The following SYTL5 variants were observed in gnomAD, a reference collection of about 807,000 sequenced individuals.
SYTL5 encodes the protein synaptotagmin-like protein 5.
In SYTL5, 34 loss-of-function variants were observed where a neutral mutation model predicts 55.9. The ratio of observed to expected loss-of-function variants is 0.61; its 90% CI spans 0.46 to 0.81. The LOEUF is 0.81. SYTL5 is among the 30% of genes least tolerant of loss of function. The pLI is 0.00. For synonymous variants in SYTL5, 221 were observed against 188.7 expected, an observed-to-expected ratio of 1.17 and a Z score of -1.40; for missense variants, 637 against 546.7, an observed-to-expected ratio of 1.17 and a Z score of -1.65.
At chrX:37,930,610 A>T in the SYTL5 span, among the ~76,000 whole-genome samples, 2 of 111,879 alleles carry the variant, frequency 1.8e-5, no homozygotes, top group African/African-American at 6.5e-5. Flanking sequence ...ACATCAGGGG[A>T]AGTACATTTT....
chrX:38,066,129 T>C (rs1268400368), intron 3 of SYTL5, among the ~76,000 whole-genome samples: 1 of 111,313 alleles, frequency 9.0e-6, no homozygotes, highest in Admixed American at 9.5e-5. Flanking sequence ...TTAATAAATG[T>C]ATAAAAAAAT....
chrX:38,001,815 C>G (rs767046285), upstream of SYTL5, among the ~76,000 whole-genome samples: 1 of 111,146 alleles, frequency 9.0e-6, no homozygotes, highest in Non-Finnish European at 1.9e-5. Flanking sequence ...ATATACCGAG[C>G]AGTGGGATTG....
chrX:38,028,777 C>G, intron 1 of SYTL5, among the ~76,000 whole-genome samples: 2 of 111,655 alleles, frequency 1.8e-5, no homozygotes, highest in Middle Eastern at 9.3e-3. Context: ...CTGTTAAAGT[C>G]CTTTAGCTGA....
chrX:38,095,107 T>C (rs1402589689), intron 8 of SYTL5, among the ~76,000 whole-genome samples: 2 of 111,951 alleles, frequency 1.8e-5, no homozygotes, highest in Non-Finnish European at 3.8e-5. Flanking sequence ...CTAATGATTA[T>C]ATATGCATAA....
chrX:37,989,529 T>C, the SYTL5 span, among the ~76,000 whole-genome samples: 3 of 111,794 alleles, frequency 2.7e-5, no homozygotes, highest in Admixed American at 9.5e-5. Context: ...GGTGAAGTCA[T>C]AGGATCAGAG....
chrX:37,986,921 G>T, the SYTL5 span, among the ~76,000 whole-genome samples: 1 of 111,493 alleles, frequency 9.0e-6, no homozygotes, highest in Non-Finnish European at 1.9e-5. Flanking sequence ...ACAACATGCA[G>T]GTTTGTTACA....
chrX:37,975,093 A>G, the SYTL5 span, among the ~76,000 whole-genome samples: 1 of 112,513 alleles, frequency 8.9e-6, no homozygotes, highest in African/African-American at 3.2e-5. Context: ...TAGGAGAAGT[A>G]AGCCAATAAA....
the SYTL5 span, among the ~76,000 whole-genome samples, chrX:37,918,456 G>A: frequency 8.9e-6 from 1 of 112,129 alleles, no homozygotes; most frequent in South Asian, 3.7e-4. Context: ...AATTGCAGCT[G>A]ACTATAGATA....
At chrX:38,097,718 T>C (rs1936972210) in intron 9 of SYTL5, among the ~76,000 whole-genome samples, 1 of 109,741 alleles carries the variant, frequency 9.1e-6, no homozygotes, top group Admixed American at 9.7e-5. Flanking sequence ...CTACCATTTA[T>C]ATGAAAATAT....
the SYTL5 span, among the ~76,000 whole-genome samples, chrX:37,965,883 T>A: frequency 1.8e-5 from 2 of 112,685 alleles, no homozygotes; most frequent in African/African-American, 6.4e-5. Flanking sequence ...TGACAGTTTA[T>A]GACTTACTAT....
the SYTL5 span, among the ~76,000 whole-genome samples, chrX:37,940,496 A>C: frequency 9.4e-6 from 1 of 105,823 alleles, no homozygotes; most frequent in Non-Finnish European, 1.9e-5. Flanking sequence ...AAAAAAAAAA[A>C]ATCAAGGGTT....
In SYTL5 at chrX:38,122,060, C is replaced by T. The variant is rs368774479; in HGVS notation, c.1706-20C>T. 9.5e-6 allele frequency: 11 copies of T among 1,152,745 alleles called. No individual in the cohort carries two copies. The highest frequency in any genetic ancestry group is 1.3e-5 in the Non-Finnish European group (11 of 864,016). The allele number at this position is 1,152,745 out of a possible 1,213,427, so 95.0% of individuals were successfully genotyped here. ...TTTTTCTCTTTCTCCACCATTCCCTCATTTTGGTGGCTGACACAGGAAATA... is the reference window on the plus strand; with the variant it reads ...TTTTTCTCTTTCTCCACCATTCCCTTATTTTGGTGGCTGACACAGGAAATA... On this transcript the variant is annotated intron_variant, in intron 14 of 16. Coordinates refer to ENST00000297875, the MANE Select transcript of SYTL5 (RefSeq NM_138780.3).
the SYTL5 span, among the ~76,000 whole-genome samples, chrX:37,988,719 A>G: frequency 8.9e-6 from 1 of 112,396 alleles, no homozygotes; most frequent in Non-Finnish European, 1.9e-5. Flanking sequence ...ATTGATAGAA[A>G]TAAAATGTCA....
At chrX:37,961,830 CTCTTAA>C in the SYTL5 span, among the ~76,000 whole-genome samples, 138 of 111,741 alleles carry the variant, frequency 1.2e-3, 2 homozygotes, top group African/African-American at 4.3e-3. Flanking sequence ...TTGTCTTGAT[CTCTTAA>C]TCTTAAGAGT....
At chrX:37,953,893 C>A in the SYTL5 span, among the ~76,000 whole-genome samples, 3 of 110,880 alleles carry the variant, frequency 2.7e-5, no homozygotes, top group Admixed American at 9.6e-5. Flanking sequence ...GAAGAAGAGA[C>A]AAACTATACA....
At chrX:37,958,420 C>T in the SYTL5 span, among the ~76,000 whole-genome samples, 5 of 109,831 alleles carry the variant, frequency 4.6e-5, no homozygotes, top group Non-Finnish European at 9.5e-5. Flanking sequence ...CCTCCAGTAC[C>T]ATCATGGGGG....
chrX:38,020,167 A>G (rs892215148), intron 1 of SYTL5, among the ~76,000 whole-genome samples: 1 of 110,369 alleles, frequency 9.1e-6, no homozygotes, highest in African/African-American at 3.3e-5. Context: ...ATCAGTGGAT[A>G]TATGCATTGT....
At chrX:37,985,719 A>C in the SYTL5 span, among the ~76,000 whole-genome samples, 1 of 111,189 alleles carries the variant, frequency 9.0e-6, no homozygotes, top group African/African-American at 3.3e-5. Context: ...ACTCAGACTA[A>C]TTAAAAAAAT....
At chrX:37,915,556 A>T in the SYTL5 span, among the ~76,000 whole-genome samples, 1 of 112,171 alleles carries the variant, frequency 8.9e-6, no homozygotes, top group Non-Finnish European at 1.9e-5. Context: ...TAATGACCTA[A>T]ATTTTAAAGT....
Sources: allele counts gnomAD v4.1 joint callset (sites outside exome capture counted in the v4.1 genomes callset), GRCh38; gene constraint gnomAD v4.1.1; transcripts MANE v1.5; gene names NCBI Gene and HGNC (gene_info 2026-07-23, HGNC 2026-07-21).